Variants in CADPS observed in about 807,000 individuals in gnomAD.
CADPS encodes calcium dependent secretion activator, also known as calcium-dependent secretion activator 1.
In CADPS, 57 loss-of-function variants were observed where a neutral mutation model predicts 167.3. The ratio of observed to expected loss-of-function variants is 0.34; its 90% CI spans 0.28 to 0.42. The LOEUF is 0.42. CADPS is among the 20% of genes least tolerant of loss of function. The pLI, the probability that CADPS is intolerant of heterozygous loss-of-function variation, is 1.00. For synonymous variants in CADPS, 676 were observed against 635.3 expected (o/e 1.06, Z -0.96); for missense variants, 1,414 against 1,738.1 (o/e 0.81, Z 3.32).
chr3:62,659,885 T>C (rs1251046964), intron 4 of CADPS, among the ~76,000 whole-genome samples: 4 of 152,186 alleles, frequency 2.6e-5, no homozygotes, highest in South Asian at 2.1e-4. Context: ...GGGCACTCTA[T>C]CTCATAGAAA....
chr3:62,711,699 T>G (rs1316656368), intron 3 of CADPS, among the ~76,000 whole-genome samples: 1 of 152,200 alleles, frequency 6.6e-6, no homozygotes, highest in Non-Finnish European at 1.5e-5. Flanking sequence ...TCCCCTCAGG[T>G]CAACACTCCT....
At chr3:62,408,957 A>G (rs2048420660) in intron 28 of CADPS, among the ~76,000 whole-genome samples, 1 of 152,226 alleles carries the variant, frequency 6.6e-6, no homozygotes, top group Non-Finnish European at 1.5e-5. Flanking sequence ...TTCCTAATAT[A>G]CACCCATATG....
intron 3 of CADPS, among the ~76,000 whole-genome samples, chr3:62,718,278 GTGAATGAA>G (rs528027382): frequency 4.0e-5 from 6 of 151,894 alleles, no homozygotes; most frequent in Non-Finnish European, 7.4e-5. Flanking sequence ...TGATGTCTTG[GTGAATGAA>G]TGAATGAATG....
intron 6 of CADPS, among the ~76,000 whole-genome samples, chr3:62,632,325 C>A (rs2065432071): frequency 6.6e-6 from 1 of 152,098 alleles, no homozygotes; most frequent in Admixed American, 6.5e-5. Flanking sequence ...AGGATTATAA[C>A]TTTTTGGTCA....
chr3:62,646,465 C>T (rs898943994), intron 5 of CADPS, among the ~76,000 whole-genome samples: 2 of 152,138 alleles, frequency 1.3e-5, no homozygotes, highest in African/African-American at 2.4e-5. Flanking sequence ...AGCCACCACG[C>T]GCGGCCAGGC....
At chr3:62,600,900 C>T (rs962675072) in intron 6 of CADPS, among the ~76,000 whole-genome samples, 3 of 152,250 alleles carry the variant, frequency 2.0e-5, no homozygotes, top group African/African-American at 7.2e-5. Context: ...GGGTGGATTG[C>T]TTGAGCTCAG....
chr3:62,750,398 T>G (rs560129780), intron 3 of CADPS, among the ~76,000 whole-genome samples: 9 of 148,266 alleles, frequency 6.1e-5, no homozygotes, highest in African/African-American at 1.5e-4. Flanking sequence ...GAGAGTTAGT[T>G]TAATAAGAAA....
intron 3 of CADPS, among the ~76,000 whole-genome samples, chr3:62,713,279 T>A (rs2083764878): frequency 6.6e-6 from 1 of 152,218 alleles, no homozygotes; most frequent in African/African-American, 2.4e-5. Context: ...GGGGATGACC[T>A]CTTCCTCACT....
rs1575770925 is a variant in CADPS, at chr3:62,421,155, T to C, written c.3777+16949A>G. On this transcript the variant is annotated intron_variant, in intron 28 of 29. Coordinates refer to ENST00000383710, the MANE Select transcript of CADPS (RefSeq NM_003716.4). The surrounding 1 kb of genome is among the most constrained non-coding windows in gnomAD (Gnocchi z 4.7). ...TGAGCACAGAGAGTTAAATCATAAA[T>C]TAGCCATGAGTTAATACGTGAGGCC... Among the ~76,000 whole-genome samples the C allele has an allele frequency of 6.6e-6, 1 of 152,092 alleles. No homozygotes were observed. Among genetic ancestry groups the C allele is most frequent in the African/African-American group, 2.4e-5 (1 of 41,408 alleles).
At chr3:62,654,395 G>A (rs1173781387) in intron 4 of CADPS, among the ~76,000 whole-genome samples, 2 of 152,164 alleles carry the variant, frequency 1.3e-5, no homozygotes, top group East Asian at 3.9e-4. Flanking sequence ...CTTCCCAGAG[G>A]TGGTGACCTT....
rs571211982 is a variant in CADPS, at chr3:62,726,599, CA to C, written c.888+26841del. Among the ~76,000 whole-genome samples the C allele has an allele frequency of 3.0e-3, 451 of 151,964 alleles. 4 individuals carry two copies. The highest frequency in any genetic ancestry group is 5.1e-3 in the Admixed American group (78 of 15,288). Reference sequence around the variant, plus strand: ...ACCTAATTTGCTTTATCTTTAATTACAGGAATCCAAGATTGCTCAGTGTCTG... The same window carrying C: ...ACCTAATTTGCTTTATCTTTAATTACGGAATCCAAGATTGCTCAGTGTCTG... On this transcript the variant is annotated intron_variant, in intron 3 of 29. Coordinates refer to ENST00000383710, the MANE Select transcript of CADPS (RefSeq NM_003716.4).
chr3:62,793,671 G>A (rs546194506), intron 1 of CADPS, among the ~76,000 whole-genome samples: 14 of 152,270 alleles, frequency 9.2e-5, no homozygotes, highest in African/African-American at 3.1e-4. Context: ...TTTTTTAAGA[G>A]AGCTAATAGT....
chr3:62,707,708 A>G (rs1048750262), intron 3 of CADPS, among the ~76,000 whole-genome samples: 1 of 152,150 alleles, frequency 6.6e-6, no homozygotes, highest in Non-Finnish European at 1.5e-5. Flanking sequence ...ACATCAACAT[A>G]AGAAAACACA....
At position 62,491,391 on chromosome 3, in the gene CADPS, T is replaced by A. The variant is rs1224570625; in HGVS notation, c.2974A>T (p.Ile992Phe). ...AAGCCCCTGTGAATGGATTGTGCAA[T>A]TGAGGACTCCATCAGATCCACATAT... ...VRYVDLMESS[I>F]AQSIHRGFER... Residue 992 changes from isoleucine to phenylalanine, a missense_variant, in exon 21 of 30, where the codon ATT (isoleucine) becomes TTT (phenylalanine). Transcript: ENST00000383710. 6.2e-7 allele frequency: 1 copy of A among 1,614,168 alleles called. No homozygotes were observed. Among genetic ancestry groups the A allele is most frequent in the Non-Finnish European group, 8.5e-7 (1 of 1,180,002 alleles).
At chr3:62,833,090 C>T (rs1432920754) in intron 1 of CADPS, among the ~76,000 whole-genome samples, 1 of 152,120 alleles carries the variant, frequency 6.6e-6, no homozygotes, top group Non-Finnish European at 1.5e-5. Context: ...TAATGACTGG[C>T]TTTAGAGAAA....
At chr3:62,775,929 G>T (rs1228385091) in intron 1 of CADPS, among the ~76,000 whole-genome samples, 2 of 151,972 alleles carry the variant, frequency 1.3e-5, no homozygotes, top group African/African-American at 4.8e-5. Context: ...ACATGGCCAT[G>T]ACAGATATAA....
chr3:62,847,040 T>C (rs989904345), intron 1 of CADPS, among the ~76,000 whole-genome samples: 1 of 152,216 alleles, frequency 6.6e-6, no homozygotes, highest in Admixed American at 6.5e-5. Context: ...ACCACTTTAG[T>C]CATTATCCTG....
At chr3:62,651,340 T>A (rs1460673312) in intron 4 of CADPS, among the ~76,000 whole-genome samples, 1 of 152,224 alleles carries the variant, frequency 6.6e-6, no homozygotes, top group Non-Finnish European at 1.5e-5. Flanking sequence ...TTATTACAGT[T>A]CTATTTTTCC....
chr3:62,862,540 GCACCATGATTC>G (rs1174688822), intron 1 of CADPS, among the ~76,000 whole-genome samples: 1 of 152,116 alleles, frequency 6.6e-6, no homozygotes, highest in Non-Finnish European at 1.5e-5. Context: ...TCCTCTGAAT[GCACCATGATTC>G]CTGAGAAATC....
Sources: gnomAD v4.1 joint callset for allele counts (sites outside exome capture counted in the v4.1 genomes callset) on GRCh38, gnomAD v4.1.1 for gene constraint, Gnocchi (gnomAD v3.1) non-coding constraint, MANE v1.5 for transcripts, NCBI Gene and HGNC (gene_info 2026-07-23, HGNC 2026-07-21) for gene names.